Variants in MGMT observed in about 807,000 individuals in gnomAD.
MGMT encodes the protein methylated-DNA--protein-cysteine methyltransferase.
MGMT carries 14 observed loss-of-function variants against 15.9 expected under a neutral mutation model. The ratio of observed to expected loss-of-function variants is 0.88; its 90% confidence interval spans 0.58 to 1.37. The LOEUF (loss-of-function observed/expected upper bound fraction) is 1.37, where lower values mean the gene tolerates loss of function less well. MGMT is among the 40% of genes most tolerant of loss of function. The probability of loss-of-function intolerance (pLI) is 0.00; values close to 1 mark genes in which losing one functional copy is unlikely to be tolerated. For missense variants in MGMT, 282 were observed against 268.1 expected (o/e 1.05, Z -0.36); for synonymous variants, 130 against 118.2 (o/e 1.10, Z -0.65).
intron 2 of MGMT, among the ~76,000 whole-genome samples, chr10:129,684,197 A>G (rs1239218042): frequency 6.6e-6 from 1 of 152,226 alleles, no homozygotes; most frequent in Non-Finnish European, 1.5e-5. Context: ...GTACTTGCAA[A>G]TTTCCATCCC....
chr10:129,641,148 C>T (rs1847324158), intron 2 of MGMT, among the ~76,000 whole-genome samples: 1 of 152,140 alleles, frequency 6.6e-6, no homozygotes, highest in Admixed American at 6.5e-5. Context: ...ACGCAACATA[C>T]AAAAACCAAT....
At chr10:129,499,962 A>AAT (rs1272694166) in intron 1 of MGMT, among the ~76,000 whole-genome samples, 9 of 152,196 alleles carry the variant, frequency 5.9e-5, no homozygotes, top group Admixed American at 6.5e-5. Context: ...GAAGGGAGAG[A>AAT]ATATAACCGA....
intron 2 of MGMT, among the ~76,000 whole-genome samples, chr10:129,614,130 T>A (rs1846993542): frequency 1.3e-5 from 2 of 151,612 alleles, no homozygotes; most frequent in Admixed American, 1.3e-4. Context: ...GCACCCACCC[T>A]TCTACTGTCT....
chr10:129,617,271 T>G (rs1010414984), intron 2 of MGMT, among the ~76,000 whole-genome samples: 11 of 152,196 alleles, frequency 7.2e-5, no homozygotes, highest in Non-Finnish European at 1.3e-4. Flanking sequence ...ATTCTTTTAT[T>G]ATGGCTGCAT....
Position 129,667,040 on chromosome 10 carries a change from C to A in MGMT, c.126-40855C>A, listed in dbSNP as rs530757715. Among the ~76,000 whole-genome samples, 4 of 152,318 alleles carry A rather than the reference C, an allele frequency of 2.6e-5. No individual in the cohort carries two copies. In the East Asian group the frequency reaches 7.7e-4, roughly 29 times the overall value. ...AACCCTGAAGTTGTATCCATACCATCTTGAGAATCAGTTGTTTGAAGCGTC... is the reference window on the plus strand; with the variant it reads ...AACCCTGAAGTTGTATCCATACCATATTGAGAATCAGTTGTTTGAAGCGTC... On this transcript the variant is annotated intron_variant, in intron 2 of 4. Transcript: ENST00000651593.
At position 129,659,759 on chromosome 10, in the gene MGMT, AGACT is replaced by A. The variant is rs1847574678; in HGVS notation, c.126-48132_126-48129del. Among the ~76,000 whole-genome samples the A allele has an allele frequency of 6.6e-6, 1 of 152,252 alleles. No homozygotes were observed. The highest frequency in any genetic ancestry group is 2.1e-4 in the South Asian group (1 of 4,838). ...TTAGAAAAAGTGTTCTGACATTTAT[AGACT>A]GACACGAAAACAGAAGTAAAAGTCT... On this transcript the variant is annotated intron_variant, in intron 2 of 4. Coordinates refer to ENST00000651593, the MANE Select transcript of MGMT (RefSeq NM_002412.5). The surrounding 1 kb of genome is among the most constrained non-coding windows in gnomAD (Gnocchi z 4.1).
At chr10:129,491,140 A>G (rs1845465651) in intron 1 of MGMT, among the ~76,000 whole-genome samples, 1 of 151,932 alleles carries the variant, frequency 6.6e-6, no homozygotes, top group African/African-American at 2.4e-5. Flanking sequence ...GTCTGGGGTG[A>G]CTTCTGCTTG....
intron 2 of MGMT, among the ~76,000 whole-genome samples, chr10:129,631,652 G>T (rs898627728): frequency 6.6e-6 from 1 of 151,816 alleles, no homozygotes; most frequent in Non-Finnish European, 1.5e-5. Context: ...GCAAAACCCC[G>T]TCTCCACCAA....
intron 3 of MGMT, among the ~76,000 whole-genome samples, chr10:129,726,613 T>C (rs564493746): frequency 6.6e-6 from 1 of 152,372 alleles, no homozygotes; most frequent in Admixed American, 6.5e-5. Flanking sequence ...CTTCTGATCA[T>C]GTATATATGA....
intron 1 of MGMT, among the ~76,000 whole-genome samples, chr10:129,479,001 TAA>T (rs1476967616): frequency 2.6e-5 from 4 of 152,238 alleles, no homozygotes; most frequent in Non-Finnish European, 5.9e-5. Flanking sequence ...TTGAAATCAA[TAA>T]GAGAGGCATA....
At chr10:129,508,793 C>A (rs1191795350) in intron 1 of MGMT, among the ~76,000 whole-genome samples, 1 of 151,950 alleles carries the variant, frequency 6.6e-6, no homozygotes, top group East Asian at 1.9e-4. Flanking sequence ...GTGATCCACC[C>A]GTCTCGGCCT....
intron 3 of MGMT, among the ~76,000 whole-genome samples, chr10:129,746,783 C>A (rs1848700880): frequency 6.6e-6 from 1 of 152,054 alleles, no homozygotes; most frequent in African/African-American, 2.4e-5. Flanking sequence ...TTTCTCTAAC[C>A]TTTTTTGTCT....
intron 4 of MGMT, among the ~76,000 whole-genome samples, chr10:129,763,155 G>C (rs1310088389): frequency 1.3e-5 from 2 of 152,134 alleles, no homozygotes; most frequent in African/African-American, 4.8e-5. Context: ...CGTATTGGAT[G>C]AATTAGATTT....
intron 2 of MGMT, among the ~76,000 whole-genome samples, chr10:129,665,928 T>C (rs999610967): frequency 7.9e-5 from 12 of 152,172 alleles, no homozygotes; most frequent in African/African-American, 2.9e-4. Flanking sequence ...GATTATATGT[T>C]AGATAAAAGC....
At chr10:129,484,876 T>G (rs1228028320) in intron 1 of MGMT, among the ~76,000 whole-genome samples, 1 of 152,096 alleles carries the variant, frequency 6.6e-6, no homozygotes, top group African/African-American at 2.4e-5. Flanking sequence ...ATTTACATAA[T>G]GTCTTTACTT....
intron 2 of MGMT, among the ~76,000 whole-genome samples, chr10:129,550,273 T>C (rs368666474): frequency 0.013 from 1,932 of 147,640 alleles, 28 homozygotes; most frequent in Non-Finnish European, 0.02. Flanking sequence ...TCCGCAGCCA[T>C]CACCGCCACC....
chr10:129,522,088 A>G (rs61862607), intron 1 of MGMT, among the ~76,000 whole-genome samples: 2 of 100,608 alleles, frequency 2.0e-5, no homozygotes, highest in Middle Eastern at 4.3e-3. Context: ...AACGTAATGG[A>G]GAAGAATTGG....
intron 2 of MGMT, among the ~76,000 whole-genome samples, chr10:129,666,081 G>A (rs191083030): frequency 2.2e-4 from 33 of 152,262 alleles, no homozygotes; most frequent in Non-Finnish European, 3.8e-4. Context: ...ATGTTTGTGT[G>A]GGGAGGGAGG....
In MGMT at chr10:129,699,462, G is replaced by A. The variant is rs140450676; in HGVS notation, c.126-8433G>A. Among the ~76,000 whole-genome samples, 949 of 151,944 alleles carry A rather than the reference G, an allele frequency of 6.2e-3. 9 individuals carry two copies. The highest frequency in any genetic ancestry group is 0.019 in the African/African-American group (785 of 41,408). ...GGGCATAGCGTGCCGGTTAAAAATC[G>A]GTATCCAGTTTTAGCAAGATACCTA... On this transcript the variant is annotated intron_variant, in intron 2 of 4. Transcript: ENST00000651593.
Sources: allele counts gnomAD v4.1 joint callset (sites outside exome capture counted in the v4.1 genomes callset), GRCh38; gene constraint gnomAD v4.1.1; non-coding constraint Gnocchi (gnomAD v3.1); transcripts MANE v1.5; gene names NCBI Gene and HGNC (gene_info 2026-07-23, HGNC 2026-07-21).